The following NEK5 variants were observed in gnomAD, a reference collection of about 807,000 sequenced individuals.
NEK5 encodes NIMA related kinase 5, also known as serine/threonine-protein kinase Nek5.
NEK5 carries 88 observed loss-of-function variants against 109.2 expected under a neutral mutation model. That is an observed-to-expected ratio of 0.81 (90% CI 0.68 to 0.96). The LOEUF (loss-of-function observed/expected upper bound fraction) is 0.96. Among genes scored for constraint, NEK5 ranks in the 40% least tolerant of loss-of-function variants. The pLI, the probability that NEK5 is intolerant of heterozygous loss-of-function variation, is 0.00. For synonymous variants in NEK5, 283 were observed against 299.9 expected (o/e 0.94, Z 0.58); for missense variants, 834 against 920.7 (o/e 0.91, Z 1.22).
intron 22 of NEK5, among the ~76,000 whole-genome samples, chr13:52,057,921 T>A (rs1229415518): frequency 6.6e-6 from 1 of 151,866 alleles, no homozygotes; most frequent in African/African-American, 2.4e-5. Context: ...TCACCACTCC[T>A]ATTCAACATA....
chr13:52,069,700 C>G (rs958899383), intron 20 of NEK5, among the ~76,000 whole-genome samples: 1 of 152,196 alleles, frequency 6.6e-6, no homozygotes, highest in Non-Finnish European at 1.5e-5. Context: ...CCCTTCTCTT[C>G]CTCAGTTCCC....
chr13:52,110,313 A>C (rs996590291), intron 7 of NEK5, 27 bp downstream of exon 7: 1 of 1,493,384 alleles, frequency 6.7e-7, no homozygotes, highest in Non-Finnish European at 9.3e-7. Flanking sequence ...TTTGACTAGA[A>C]AGAAAAATTA....
At chr13:52,123,381 AT>A (rs1956006938) in intron 3 of NEK5, among the ~76,000 whole-genome samples, 1 of 152,194 alleles carries the variant, frequency 6.6e-6, no homozygotes, top group South Asian at 2.1e-4. Flanking sequence ...AATATAGTCA[AT>A]TTTTGATTAT....
intron 4 of NEK5, among the ~76,000 whole-genome samples, chr13:52,115,247 C>T (rs1955833788): frequency 1.3e-5 from 2 of 151,896 alleles, no homozygotes; most frequent in African/African-American, 4.8e-5. Context: ...GTGATCCACC[C>T]GCCTTGGCCT....
chr13:52,100,103 T>C (rs2408552), intron 11 of NEK5, among the ~76,000 whole-genome samples: 85,360 of 151,994 alleles, frequency 0.56, 25,842 homozygotes, highest in Non-Finnish European at 0.68. Flanking sequence ...TCTAGTAATA[T>C]ATAACATCAC....
At chr13:52,061,403 C>G (rs935716718) in intron 22 of NEK5, among the ~76,000 whole-genome samples, 1 of 152,058 alleles carries the variant, frequency 6.6e-6, no homozygotes, top group Non-Finnish European at 1.5e-5. Flanking sequence ...TTAAAGTAAA[C>G]AAAAGCAGAA....
chr13:52,080,845 C>T (rs1954995593), intron 17 of NEK5, among the ~76,000 whole-genome samples: 1 of 149,936 alleles, frequency 6.7e-6, no homozygotes, highest in Non-Finnish European at 1.5e-5. Flanking sequence ...GTCCTATGAC[C>T]CTGCCAAATA....
intron 16 of NEK5, among the ~76,000 whole-genome samples, chr13:52,084,548 T>C (rs1955079038): frequency 6.6e-6 from 1 of 152,062 alleles, no homozygotes; most frequent in Non-Finnish European, 1.5e-5. Flanking sequence ...TATTTTACTT[T>C]ATTTTTTTGA....
chr13:52,061,189 C>T (rs550380855), intron 22 of NEK5, among the ~76,000 whole-genome samples: 74 of 152,280 alleles, frequency 4.9e-4, no homozygotes, highest in African/African-American at 1.7e-3. Context: ...TCATAAGGAG[C>T]ACACAGCGTA....
intron 17 of NEK5, among the ~76,000 whole-genome samples, chr13:52,080,373 C>T (rs1304285283): frequency 6.6e-6 from 1 of 151,694 alleles, no homozygotes; most frequent in East Asian, 2.0e-4. Flanking sequence ...GCCCGGCCAC[C>T]ACCCCGTCTG....
intron 3 of NEK5, among the ~76,000 whole-genome samples, chr13:52,119,997 C>A (rs1955937970): frequency 6.6e-6 from 1 of 152,046 alleles, no homozygotes; most frequent in South Asian, 2.1e-4. Context: ...AGTGGCCACA[C>A]CTCATTTCTA....
Position 52,035,828 on chromosome 13 carries a change from A to G in NEK5, c.*1120T>C, listed in dbSNP as rs527741174. On this transcript the variant is annotated 3_prime_UTR_variant, in exon 24 of 24. Coordinates refer to ENST00000684899, the MANE Select transcript of NEK5 (RefSeq NM_001365552.1). ...CACCATGCCTTGTTGTTCTTGCTCAATTGCCTTATTCCTGTGTCAACATCA... is the reference window on the plus strand; with the variant it reads ...CACCATGCCTTGTTGTTCTTGCTCAGTTGCCTTATTCCTGTGTCAACATCA... 2.6e-5 allele frequency: 4 copies of G among 152,198 alleles called. No homozygotes were observed. Among genetic ancestry groups the G allele is most frequent in the South Asian group, 2.1e-4 (1 of 4,818 alleles). 9.4% of individuals were successfully genotyped at this position (152,198 alleles called of 1,614,324 possible).
At chr13:52,072,211 ATAGAGTTTTAAAAC>A (rs1238501073) in intron 19 of NEK5, 141 bp from the exon 20 acceptor site, 2 of 644,262 alleles carry the variant, frequency 3.1e-6, no homozygotes, top group Non-Finnish European at 5.3e-6. Context: ...AAATAAATCC[ATAGAGTTTTAAAAC>A]TAGAGCTATG....
At chr13:52,080,428 T>C (rs1019337150) in intron 17 of NEK5, among the ~76,000 whole-genome samples, 5 of 151,998 alleles carry the variant, frequency 3.3e-5, no homozygotes, top group East Asian at 1.9e-4. Flanking sequence ...ATGATGACAA[T>C]GGCGGTTTTG....
chr13:52,043,276 T>C (rs898245224), intron 23 of NEK5, among the ~76,000 whole-genome samples: 1 of 151,956 alleles, frequency 6.6e-6, no homozygotes, highest in Non-Finnish European at 1.5e-5. Flanking sequence ...CAGTGGATCA[T>C]GCCTGTAATC....
intron 20 of NEK5, among the ~76,000 whole-genome samples, chr13:52,070,756 G>A (rs1478065370): frequency 6.6e-6 from 1 of 152,164 alleles, no homozygotes; most frequent in African/African-American, 2.4e-5. Flanking sequence ...GAATGAAGGG[G>A]AAATACTAGA....
intron 23 of NEK5, among the ~76,000 whole-genome samples, chr13:52,045,896 C>T (rs1173428310): frequency 6.6e-6 from 1 of 150,592 alleles, no homozygotes; most frequent in Non-Finnish European, 1.5e-5. Context: ...CATGGTGAAA[C>T]CCCATCTCTA....
At chr13:52,105,390 A>AT (rs969457836) in intron 8 of NEK5, among the ~76,000 whole-genome samples, 15 of 149,990 alleles carry the variant, frequency 1.0e-4, no homozygotes, top group East Asian at 5.9e-4. Context: ...TTTTTTAATA[A>AT]TTTTTTTTTT....
chr13:52,103,493 A>G (rs916093509), intron 9 of NEK5, among the ~76,000 whole-genome samples: 1 of 152,106 alleles, frequency 6.6e-6, no homozygotes, highest in South Asian at 2.1e-4. Flanking sequence ...ACAATAATTA[A>G]TAACAATGAT....
Sources: allele counts gnomAD v4.1 joint callset (sites outside exome capture counted in the v4.1 genomes callset), GRCh38; gene constraint gnomAD v4.1.1; transcripts MANE v1.5; gene names NCBI Gene and HGNC (gene_info 2026-07-23, HGNC 2026-07-21).